Variants in FRMD4A observed in about 807,000 individuals in gnomAD.
FRMD4A encodes FERM domain-containing protein 4A.
A neutral mutation model predicts 129.1 loss-of-function variants in FRMD4A; 29 were observed. The observed-to-expected ratio is 0.22, with a 90% confidence interval of 0.17 to 0.31. FRMD4A has a LOEUF of 0.31. Ranked by LOEUF, FRMD4A falls within the 10% of genes least tolerant of loss-of-function variation. The probability of loss-of-function intolerance (pLI) is 1.00; values close to 1 mark genes in which losing one functional copy is unlikely to be tolerated. For synonymous variants in FRMD4A, 634 were observed against 571.6 expected, an observed-to-expected ratio of 1.11 and a Z score of -1.56; for missense variants, 1,272 against 1,375.8, an observed-to-expected ratio of 0.92 and a Z score of 1.19.
chr10:13,714,049 T>TATAAAATATATATTTTATATATAC (rs2088503523), intron 12 of FRMD4A, among the ~76,000 whole-genome samples: 1 of 25,788 alleles, frequency 3.9e-5, no homozygotes, highest in African/African-American at 1.5e-4. Flanking sequence ...TATATATATA[T>TATAAAATATATATTTTATATATAC]ATATATATAT....
In FRMD4A at chr10:13,737,947, A is replaced by C. The variant is rs764976290; in HGVS notation, c.673-17T>G. On this transcript the variant is annotated splice_polypyrimidine_tract_variant and intron_variant, in intron 11 of 24. Coordinates refer to ENST00000357447, the MANE Select transcript of FRMD4A (RefSeq NM_018027.5). ...CTGCTTGTCCTAGGATATCAAAAAA[A>C]GTTTGGGTGAATATGGGACTGGAGG... 33 of 1,464,972 alleles carry C rather than the reference A, an allele frequency of 2.3e-5. No homozygotes were observed. The highest frequency in any genetic ancestry group is 3.1e-5 in the Non-Finnish European group (32 of 1,044,370). 90.7% of individuals were successfully genotyped at this position (1,464,972 alleles called of 1,614,324 possible).
At chr10:14,008,162 CTGTGTGTGTGTGTGTGTGTGTGTG>C (rs752913059) in intron 2 of FRMD4A, 16 of 630,186 alleles carry the variant, frequency 2.5e-5, no homozygotes, top group Admixed American at 3.8e-5. Context: ...TGGTGTACAG[CTGTGTGTGTGTGTGTGTGTGTGTG>C]TGTGTGTGTG....
intron 2 of FRMD4A, among the ~76,000 whole-genome samples, chr10:14,129,373 T>C (rs1346116791): frequency 1.3e-5 from 1 of 76,724 alleles, no homozygotes; most frequent in African/African-American, 5.7e-5. Flanking sequence ...TTATGATTCA[T>C]ATATATATAT....
chr10:13,892,362 G>C (rs1046137000), intron 2 of FRMD4A, among the ~76,000 whole-genome samples: 3 of 152,216 alleles, frequency 2.0e-5, no homozygotes, highest in African/African-American at 7.2e-5. Context: ...GTTGCTGCAG[G>C]ATAACCGAGG....
intron 3 of FRMD4A, among the ~76,000 whole-genome samples, chr10:13,843,697 C>T (rs2094002956): frequency 6.6e-6 from 1 of 152,138 alleles, no homozygotes; most frequent in Non-Finnish European, 1.5e-5. Flanking sequence ...GGGATTTCAC[C>T]ATGTTGGCCA....
chr10:14,164,006 T>C (rs1011866408), intron 2 of FRMD4A, among the ~76,000 whole-genome samples: 18 of 152,190 alleles, frequency 1.2e-4, no homozygotes, highest in African/African-American at 3.6e-4. Context: ...ATGAGGCCAA[T>C]GGCCCGTGTA....
intron 2 of FRMD4A, among the ~76,000 whole-genome samples, chr10:14,164,540 C>T (rs978234009): frequency 6.6e-6 from 1 of 152,152 alleles, no homozygotes; most frequent in African/African-American, 2.4e-5. Context: ...CCGTGATTCC[C>T]GGTGCACAGT....
At chr10:13,993,858 A>AAT (rs2095612544) in intron 2 of FRMD4A, among the ~76,000 whole-genome samples, 3 of 151,534 alleles carry the variant, frequency 2.0e-5, no homozygotes, top group African/African-American at 4.8e-5. Context: ...TTTTTAAAAA[A>AAT]ATATATATTC....
intron 2 of FRMD4A, among the ~76,000 whole-genome samples, chr10:14,106,196 A>T (rs1837578654): frequency 6.6e-6 from 1 of 152,206 alleles, no homozygotes; most frequent in Admixed American, 6.5e-5. Context: ...TCATTTATGG[A>T]GTCAAACAAA....
chr10:14,095,388 G>T (rs899418366), intron 2 of FRMD4A, among the ~76,000 whole-genome samples: 1 of 152,140 alleles, frequency 6.6e-6, no homozygotes, highest in Non-Finnish European at 1.5e-5. Context: ...TGCAAAAATG[G>T]CACTGTCACT....
intron 2 of FRMD4A, among the ~76,000 whole-genome samples, chr10:14,115,080 A>T (rs906819038): frequency 3.9e-5 from 6 of 152,218 alleles, no homozygotes; most frequent in African/African-American, 1.4e-4. Context: ...ACCACCTAGG[A>T]TATTCCAGAG....
At chr10:13,889,358 G>A (rs937291222) in intron 2 of FRMD4A, among the ~76,000 whole-genome samples, 17 of 152,198 alleles carry the variant, frequency 1.1e-4, no homozygotes, top group African/African-American at 4.1e-4. Context: ...CCAGAACCAA[G>A]CAAGGAGTCA....
intron 2 of FRMD4A, among the ~76,000 whole-genome samples, chr10:13,880,880 C>T (rs1394023828): frequency 6.6e-6 from 1 of 152,100 alleles, no homozygotes; most frequent in Non-Finnish European, 1.5e-5. Context: ...CTAGCATCCT[C>T]TGTCACTTAC....
At chr10:14,176,869 T>C (rs1031218379) in intron 2 of FRMD4A, among the ~76,000 whole-genome samples, 2 of 152,154 alleles carry the variant, frequency 1.3e-5, no homozygotes, top group Non-Finnish European at 2.9e-5. Context: ...AGGAAATCAC[T>C]CTTGTTTACT....
chr10:13,721,186 C>G (rs1281211148), intron 12 of FRMD4A, among the ~76,000 whole-genome samples: 1 of 152,074 alleles, frequency 6.6e-6, no homozygotes, highest in East Asian at 1.9e-4. Flanking sequence ...TTGATTAAAA[C>G]TCAATGAAAC....
intron 2 of FRMD4A, among the ~76,000 whole-genome samples, chr10:13,947,608 G>GCA (rs147781803): frequency 0.021 from 3,089 of 148,614 alleles, 87 homozygotes; most frequent in East Asian, 0.15. Flanking sequence ...ACACACACGT[G>GCA]CACACACACA....
At chr10:13,763,071 A>G (rs761873691) in intron 6 of FRMD4A, among the ~76,000 whole-genome samples, 18 of 152,168 alleles carry the variant, frequency 1.2e-4, no homozygotes, top group Non-Finnish European at 2.6e-4. Context: ...CTCTGAGACC[A>G]CACCCTGAAT....
chr10:13,678,036 G>A (rs1401106178), intron 15 of FRMD4A, among the ~76,000 whole-genome samples: 4 of 152,190 alleles, frequency 2.6e-5, no homozygotes, highest in Non-Finnish European at 4.4e-5. Flanking sequence ...AATTACAAAT[G>A]AAACTCAAGG....
intron 3 of FRMD4A, among the ~76,000 whole-genome samples, chr10:13,814,853 G>A (rs531730903): frequency 3.7e-4 from 56 of 152,222 alleles, no homozygotes; most frequent in African/African-American, 1.3e-3. Context: ...ATGGAAGGGG[G>A]TAAGTGGAGG....
Sources: gnomAD v4.1 joint callset for allele counts (sites outside exome capture counted in the v4.1 genomes callset) on GRCh38, gnomAD v4.1.1 for gene constraint, MANE v1.5 for transcripts, NCBI Gene and HGNC (gene_info 2026-07-23, HGNC 2026-07-21) for gene names.